GSG1L: variants seen among roughly 807,000 people sequenced by gnomAD.
The protein encoded by GSG1L is germ cell-specific gene 1-like protein.
A neutral mutation model predicts 42.1 loss-of-function variants in GSG1L; 24 were observed. The ratio of observed to expected loss-of-function variants is 0.57; its 90% CI spans 0.41 to 0.80. GSG1L has a LOEUF of 0.80. GSG1L is among the 30% of genes least tolerant of loss of function. The probability of loss-of-function intolerance (pLI) is 0.00; values close to 1 mark genes in which losing one functional copy is unlikely to be tolerated. For missense variants in GSG1L, 445 were observed against 472.2 expected, an observed-to-expected ratio of 0.94 and a Z score of 0.53; for synonymous variants, 215 against 203.5, an observed-to-expected ratio of 1.06 and a Z score of -0.48.
At chr16:27,939,454 G>A (rs2084761217) in intron 2 of GSG1L, among the ~76,000 whole-genome samples, 1 of 152,094 alleles carries the variant, frequency 6.6e-6, no homozygotes, top group Admixed American at 6.6e-5. Context: ...ACTACAGTGG[G>A]ATGAACCTTG....
intron 4 of GSG1L, among the ~76,000 whole-genome samples, chr16:27,844,531 G>A (rs1034057051): frequency 1.3e-5 from 2 of 152,156 alleles, no homozygotes; most frequent in African/African-American, 2.4e-5. Flanking sequence ...TGTCACCACC[G>A]CCCAGTGCTG....
intron 1 of GSG1L, among the ~76,000 whole-genome samples, chr16:27,997,119 A>G (rs1031729445): frequency 6.6e-6 from 1 of 152,052 alleles, no homozygotes; most frequent in African/African-American, 2.4e-5. Context: ...GCTAAAATCA[A>G]GGTGTAGGCC....
rs1024704759 is a variant in GSG1L at position 28,020,925 on chromosome 16, T to C, written c.349+42151A>G. 1.4e-4 allele frequency among the ~76,000 whole-genome samples: 22 copies of C among 152,316 alleles called. No individual in the cohort carries two copies. In the Middle Eastern group the frequency reaches 0.01, roughly 71 times the overall value. On this transcript the variant is annotated intron_variant, in intron 1 of 6. Transcript: ENST00000447459. ...GATGACTGCAGCTTCAACTCACACC[T>C]ACTGCAGCCTCCTGAGAGACCCCCA...
At chr16:27,850,801 T>TA in intron 3 of GSG1L, among the ~76,000 whole-genome samples, 1 of 76,530 alleles carries the variant, frequency 1.3e-5, no homozygotes, top group African/African-American at 8.0e-5. Flanking sequence ...ATCATCTACC[T>TA]TTTTTTTTTA....
At chr16:27,926,528 C>A (rs923850262) in intron 2 of GSG1L, among the ~76,000 whole-genome samples, 113 of 151,288 alleles carry the variant, frequency 7.5e-4, no homozygotes, top group African/African-American at 2.4e-3. Context: ...AACAAAAAAA[C>A]AAAAAAACAA....
At chr16:27,850,466 T>C (rs1271533862) in intron 3 of GSG1L, 4 of 454,430 alleles carry the variant, frequency 8.8e-6, no homozygotes, top group Non-Finnish European at 1.8e-5. Flanking sequence ...ACAATGTGCC[T>C]AGAAGAGGTC....
chr16:27,931,633 G>A (rs1235941884), intron 2 of GSG1L, among the ~76,000 whole-genome samples: 1 of 152,178 alleles, frequency 6.6e-6, no homozygotes, highest in Non-Finnish European at 1.5e-5. Context: ...CGTAATCTAC[G>A]CTGTGACTCC....
intron 1 of GSG1L, among the ~76,000 whole-genome samples, chr16:27,977,987 T>G (rs1175705672): frequency 6.6e-6 from 1 of 152,200 alleles, no homozygotes; most frequent in Non-Finnish European, 1.5e-5. Flanking sequence ...CCCTCACCGC[T>G]AGCCCCTCTG....
rs556004259 is a variant in GSG1L at position 27,939,763 on chromosome 16, A to G, written c.397+23393T>C. On this transcript the variant is annotated intron_variant, in intron 2 of 6. Coordinates refer to ENST00000447459, the MANE Select transcript of GSG1L (RefSeq NM_001109763.2). ...CGAGGAAGGGATGTCAGAGAATATG[A>G]CAGAGACTTCATGCATCACCAAAAT... 3.0e-4 allele frequency among the ~76,000 whole-genome samples: 45 copies of G among 152,310 alleles called. 1 individual carries two copies. The highest frequency in any genetic ancestry group is 6.8e-3 in the Middle Eastern group (2 of 294).
intron 3 of GSG1L, among the ~76,000 whole-genome samples, chr16:27,865,578 CACACAT>C (rs1243367986): frequency 1.6e-4 from 5 of 31,380 alleles, no homozygotes; most frequent in African/African-American, 4.4e-4. Context: ...TATATACACA[CACACAT>C]ACATACATAC....
At chr16:28,041,402 C>A (rs950747146) in intron 1 of GSG1L, among the ~76,000 whole-genome samples, 2 of 151,770 alleles carry the variant, frequency 1.3e-5, no homozygotes, top group Non-Finnish European at 2.9e-5. Flanking sequence ...CAGTGAGCTG[C>A]GATCACACCA....
At chr16:28,044,811 G>A (rs2086144510) in intron 1 of GSG1L, among the ~76,000 whole-genome samples, 1 of 151,994 alleles carries the variant, frequency 6.6e-6, no homozygotes, top group South Asian at 2.1e-4. Context: ...TTTTAGTAGG[G>A]ATGGGGTTTT....
chr16:28,021,397 G>C (rs1186133392), intron 1 of GSG1L, among the ~76,000 whole-genome samples: 1 of 152,140 alleles, frequency 6.6e-6, no homozygotes, highest in East Asian at 1.9e-4. Context: ...ATCCAGAGCA[G>C]CTGACCACTC....
intron 6 of GSG1L, among the ~76,000 whole-genome samples, chr16:27,800,835 A>G (rs974743605): frequency 6.6e-6 from 1 of 152,238 alleles, no homozygotes. Context: ...ATACACAGGA[A>G]CAAAACACTC....
At chr16:27,915,187 C>T (rs2084438872) in intron 2 of GSG1L, among the ~76,000 whole-genome samples, 1 of 137,734 alleles carries the variant, frequency 7.3e-6, no homozygotes, top group Non-Finnish European at 1.5e-5. Context: ...TCTCTTCCCC[C>T]AGAGGATGTA....
At chr16:27,957,740 C>T (rs780310692) in intron 2 of GSG1L, among the ~76,000 whole-genome samples, 4 of 152,134 alleles carry the variant, frequency 2.6e-5, no homozygotes, top group Admixed American at 6.5e-5. Flanking sequence ...CCTGAGGCTG[C>T]GTAATTTACA....
At chr16:28,061,091 G>T (rs1246663398) in intron 1 of GSG1L, among the ~76,000 whole-genome samples, 1 of 152,140 alleles carries the variant, frequency 6.6e-6, no homozygotes, top group Non-Finnish European at 1.5e-5. Context: ...TCAGGTGTGT[G>T]CACAGAGGAA....
chr16:28,007,992 C>G (rs769419972), intron 1 of GSG1L, among the ~76,000 whole-genome samples: 1 of 152,164 alleles, frequency 6.6e-6, no homozygotes, highest in Admixed American at 6.6e-5. Context: ...AGAAACTGCA[C>G]GCATTTTACG....
chr16:28,025,294 C>T (rs1270212452), intron 1 of GSG1L, among the ~76,000 whole-genome samples: 5 of 152,178 alleles, frequency 3.3e-5, no homozygotes, highest in African/African-American at 1.2e-4. Flanking sequence ...TGGCCAGCAG[C>T]TAGGGCCAGG....
Sources: gnomAD v4.1 joint callset for allele counts (sites outside exome capture counted in the v4.1 genomes callset) on GRCh38, gnomAD v4.1.1 for gene constraint, MANE v1.5 for transcripts, NCBI Gene and HGNC (gene_info 2026-07-23, HGNC 2026-07-21) for gene names.